Variants in SON observed in about 807,000 individuals in gnomAD.
The protein encoded by SON is protein SON.
A neutral mutation model predicts 173.3 loss-of-function variants in SON; 4 were observed. The observed-to-expected ratio is 0.02, with a 90% CI of 0.01 to 0.05. The LOEUF (loss-of-function observed/expected upper bound fraction) is 0.05, where lower values mean the gene tolerates loss of function less well. Among genes scored for constraint, SON ranks in the 10% least tolerant of loss-of-function variants. The pLI is 1.00. For synonymous variants in SON, 1,190 were observed against 1,105.9 expected (o/e 1.08, Z -1.51); for missense variants, 2,626 against 3,055.3 (o/e 0.86, Z 3.31).
At position 33,549,799 on chromosome 21, in the gene SON, C is replaced by T; in HGVS notation, c.568C>T (p.Pro190Ser). The T allele has an allele frequency of 6.2e-7, 1 of 1,614,220 alleles. No homozygotes were observed. The highest frequency in any genetic ancestry group is 2.2e-5 in the East Asian group (1 of 44,890). The change falls in exon 3 of 12, where the codon CCT becomes TCT. Residue 190 changes from proline (P) to serine (S), a missense_variant. Transcript: ENST00000356577. The part of the protein sequence containing the change: ...NESPAVVLEP[P>S]VVSMEVSEPH... ...ATCCCCTGCAGTTGTGCTAGAACCT[C>T]CTGTAGTATCAATGGAGGTATCAGA...
rs767866161 is a variant in SON, at chr21:33,559,290, G to A, written c.6382G>A (p.Val2128Ile). 1.2e-6 allele frequency: 2 copies of A among 1,611,796 alleles called. No individual in the cohort carries two copies. Among genetic ancestry groups the A allele is most frequent in the Non-Finnish European group, 1.7e-6 (2 of 1,178,538 alleles). The change falls in exon 5 of 12, where the codon GTT (valine) becomes ATT (isoleucine). Residue 2128 changes from valine (V) to isoleucine (I), a missense_variant. Transcript: ENST00000356577. This position sits in a 1 kb window ranked among gnomAD's most constrained non-coding sequence, Gnocchi z 4.1. ...TGATGTAATAGTGAATAAACCTCAT[G>A]TTTCGGATGAAGAGGAAGAAGAACC... ...DDDVIVNKPH[V>I]SDEEEEEPPF...
At chr21:33,543,423 C>A (rs1023933564) in intron 1 of SON, 1 of 536,622 alleles carries the variant, frequency 1.9e-6, no homozygotes, top group East Asian at 3.3e-5. Flanking sequence ...AGATGTTCAC[C>A]CTTCTCCCCT....
At chr21:33,560,289 G>T in intron 6 of SON, 20 of 1,419,780 alleles carry the variant, frequency 1.4e-5, no homozygotes, top group Non-Finnish European at 1.7e-5. Context: ...TGGGTTGTTT[G>T]TCAGATAGCC....
rs761633338 is a variant in SON at position 33,567,172 on chromosome 21, A to G, written c.6673A>G (p.Thr2225Ala). The G allele has an allele frequency of 1.7e-5, 28 of 1,600,512 alleles. No homozygotes were observed. The highest frequency in any genetic ancestry group is 2.6e-6 in the Non-Finnish European group (3 of 1,168,354). Residue 2225 changes from threonine (T) to alanine (A), a missense_variant, in exon 7 of 12, where the codon ACA becomes GCA. Physicochemically the swap from Thr to Ala is moderately conservative, Grantham distance 58 (BLOSUM62 0). Coordinates refer to ENST00000356577, the MANE Select transcript of SON (RefSeq NM_138927.4). ...TCTTTCTTAGCCTGTGGACATCTCT[A>G]CAGCAATGAGTGAACGGGCACTTGC... ...NLPSEPVDIS[T>A]AMSERALAQK...
At position 33,559,054 on chromosome 21, in the gene SON, G is replaced by C. The variant is rs2086021575; in HGVS notation, c.6322-176G>C. On this transcript the variant is annotated intron_variant, in intron 4 of 11. Transcript: ENST00000356577. The surrounding 1 kb of genome is among the most constrained non-coding windows in gnomAD (Gnocchi z 4.1). Reference sequence around the variant, plus strand: ...AGGTGCTCAATAAATGTTGTTGACTGACTGACCAGCCAGAGTGTGTTTAAA... The same window carrying C: ...AGGTGCTCAATAAATGTTGTTGACTCACTGACCAGCCAGAGTGTGTTTAAA... The C allele has an allele frequency of 2.6e-6, 1 of 384,120 alleles. No individual in the cohort carries two copies. The allele number at this position is 384,120 out of a possible 1,614,324, so 23.8% of individuals were successfully genotyped here. A position where few individuals can be genotyped will look rare whatever the true frequency, so the allele number is the denominator to read the frequency against.
intron 2 of SON, among the ~76,000 whole-genome samples, chr21:33,548,990 A>G (rs1005422248): frequency 1.3e-5 from 2 of 152,178 alleles, no homozygotes; most frequent in Non-Finnish European, 2.9e-5. Flanking sequence ...GGAAAGAATT[A>G]TCAGAAAAGT....
intron 6 of SON, among the ~76,000 whole-genome samples, chr21:33,565,666 T>C (rs752280896): frequency 2.0e-5 from 3 of 152,216 alleles, no homozygotes; most frequent in Non-Finnish European, 4.4e-5. Flanking sequence ...TGTGTGATGA[T>C]TTACTTAAAT....
At chr21:33,543,299 G>A (rs2085504640) in intron 1 of SON, 130 bp downstream of exon 1, 1 of 850,734 alleles carries the variant, frequency 1.2e-6, no homozygotes, top group Non-Finnish European at 1.9e-6. Flanking sequence ...CTGGGCCTGG[G>A]ATCCATTTTC....
intron 8 of SON, chr21:33,573,038 AT>A (rs111991289): frequency 0.032 from 8,562 of 263,596 alleles, 2 homozygotes; most frequent in Middle Eastern, 0.054. Context: ...GAGTGTTCTA[AT>A]TTTTTTTTTT....
At chr21:33,564,902 C>T in intron 6 of SON, among the ~76,000 whole-genome samples, 1 of 150,100 alleles carries the variant, frequency 6.7e-6, no homozygotes, top group South Asian at 2.1e-4. Context: ...AGTCAAATTA[C>T]TATTTGGTAA....
Position 33,553,279 on chromosome 21 carries a change from GCTGCCCCAGAGT to G in SON, c.4051_4062del (p.Ala1351_Ser1354del), listed in dbSNP as rs749354179. ...GAGCATTCTGGAGCCGCCAGCCATG[GCTGCCCCAGAGT>G]CTTCAGCTATGGCTGTCCTGGAGTC... is the stretch of plus-strand genomic sequence containing the variant. On this transcript the variant is annotated inframe_deletion, in exon 3 of 12. Coordinates refer to ENST00000356577, the MANE Select transcript of SON (RefSeq NM_138927.4). The G allele has an allele frequency of 6.2e-7, 1 of 1,614,190 alleles. No individual in the cohort carries two copies.
intron 6 of SON, among the ~76,000 whole-genome samples, chr21:33,561,633 A>T (rs749936669): frequency 5.9e-5 from 9 of 151,924 alleles, no homozygotes; most frequent in African/African-American, 1.9e-4. Flanking sequence ...AGAGAGAGAG[A>T]GTGTGTGTGT....
chr21:33,567,323 A>T (rs754480620), intron 7 of SON, 56 bp downstream of exon 7: 1 of 955,778 alleles, frequency 1.0e-6, no homozygotes, highest in Non-Finnish European at 1.7e-6. Context: ...ACTCACACCA[A>T]TGTACCAGTT....
intron 6 of SON, among the ~76,000 whole-genome samples, chr21:33,561,559 T>G (rs1313681706): frequency 1.3e-5 from 2 of 152,238 alleles, no homozygotes; most frequent in African/African-American, 4.8e-5. Flanking sequence ...CATAACTGTT[T>G]TGAATTTCTT....
chr21:33,569,537 C>A (rs2086238459), intron 8 of SON: 1 of 398,858 alleles, frequency 2.5e-6, no homozygotes, highest in Non-Finnish European at 5.1e-6. Context: ...TTTTCCATTC[C>A]TCTATTCCTT....
chr21:33,549,509 T>C lies in SON; in HGVS notation c.278T>C (p.Val93Ala). ...LKEGSRKSRC[V>A]SVQTDPTDEI... ...GAGGGCTCCAGAAAAAGTAGATGCGTATCTGTACAAACAGATCCTACTGAT... is the reference window on the plus strand; with the variant it reads ...GAGGGCTCCAGAAAAAGTAGATGCGCATCTGTACAAACAGATCCTACTGAT... The change falls in exon 3 of 12, where the codon GTA becomes GCA. Residue 93 changes from valine (V) to alanine (A), a missense_variant. Coordinates refer to ENST00000356577, the MANE Select transcript of SON (RefSeq NM_138927.4). 1 of 1,556,382 alleles carries C rather than the reference T, an allele frequency of 6.4e-7. No individual in the cohort carries two copies. The highest frequency in any genetic ancestry group is 8.6e-7 in the Non-Finnish European group (1 of 1,160,224).
At chr21:33,567,532 A>AATC in intron 7 of SON, 1 of 416,796 alleles carries the variant, frequency 2.4e-6, no homozygotes, top group Non-Finnish European at 4.5e-6. Flanking sequence ...CAGAGTTTAC[A>AATC]ATCTGGTGTA....
chr21:33,543,280 G>C (rs1057449107), intron 1 of SON, 111 bp downstream of exon 1: 25 of 1,028,918 alleles, frequency 2.4e-5, no homozygotes, highest in Non-Finnish European at 3.2e-5. Context: ...GGCCCCGCTA[G>C]GGCCCCGCCT....
At chr21:33,574,018 T>C (rs944586741) in intron 9 of SON, among the ~76,000 whole-genome samples, 3 of 152,248 alleles carry the variant, frequency 2.0e-5, no homozygotes, top group African/African-American at 7.2e-5. Context: ...ACTGTTAGCA[T>C]TGACTGTATT....
Sources: allele counts gnomAD v4.1 joint callset (sites outside exome capture counted in the v4.1 genomes callset), GRCh38; gene constraint gnomAD v4.1.1; non-coding constraint Gnocchi (gnomAD v3.1); transcripts MANE v1.5; gene names NCBI Gene and HGNC (gene_info 2026-07-23, HGNC 2026-07-21).